The following PTPRD variants were observed in gnomAD, a reference collection of about 807,000 sequenced individuals.
The protein encoded by PTPRD is protein tyrosine phosphatase receptor type D.
PTPRD carries 34 observed loss-of-function variants against 214.5 expected under a neutral mutation model. The observed-to-expected ratio is 0.16, with a 90% confidence interval of 0.12 to 0.21. PTPRD has a LOEUF of 0.21. Among genes scored for constraint, PTPRD ranks in the 10% least tolerant of loss-of-function variants. The pLI is 1.00. For synonymous variants in PTPRD, 1,128 were observed against 845.7 expected (o/e 1.33, Z -5.79); for missense variants, 2,545 against 2,398.7 (o/e 1.06, Z -1.27).
At chr9:10,358,747 T>G (rs1158353917) in intron 2 of PTPRD, among the ~76,000 whole-genome samples, 1 of 152,010 alleles carries the variant, frequency 6.6e-6, no homozygotes, top group Non-Finnish European at 1.5e-5. Flanking sequence ...TTGCATTTTG[T>G]GCCCAACAGA....
intron 2 of PTPRD, among the ~76,000 whole-genome samples, chr9:10,422,099 G>C (rs1235302969): frequency 1.3e-5 from 2 of 152,010 alleles, no homozygotes; most frequent in South Asian, 2.1e-4. Context: ...CGTGGTACTG[G>C]TACCAAAACA....
chr9:8,452,768 T>A (rs1039012948), intron 33 of PTPRD, among the ~76,000 whole-genome samples: 1 of 152,110 alleles, frequency 6.6e-6, no homozygotes, highest in African/African-American at 2.4e-5. Flanking sequence ...GGGATGTGGG[T>A]AATACACAAT....
At chr9:8,863,424 A>G (rs964820010) in intron 11 of PTPRD, among the ~76,000 whole-genome samples, 14 of 152,214 alleles carry the variant, frequency 9.2e-5, no homozygotes, top group African/African-American at 3.4e-4. Context: ...AACAAAGGAT[A>G]TACTCTAATT....
At chr9:9,002,870 G>T (rs1374606334) in intron 11 of PTPRD, among the ~76,000 whole-genome samples, 2 of 152,052 alleles carry the variant, frequency 1.3e-5, no homozygotes, top group Non-Finnish European at 2.9e-5. Context: ...GCTTCCTTGT[G>T]CTATCTCCCT....
intron 4 of PTPRD, among the ~76,000 whole-genome samples, chr9:10,005,087 T>C (rs1412672759): frequency 3.9e-5 from 6 of 152,152 alleles, no homozygotes; most frequent in Non-Finnish European, 8.8e-5. Context: ...ACGTGGACAC[T>C]ATTTCCTATA....
intron 5 of PTPRD, among the ~76,000 whole-genome samples, chr9:9,815,879 A>C (rs898984262): frequency 6.6e-6 from 1 of 152,138 alleles, no homozygotes; most frequent in Non-Finnish European, 1.5e-5. Context: ...AGATTTTCTA[A>C]GAAAGATGCT....
At chr9:8,762,885 G>T (rs980868197) in intron 11 of PTPRD, among the ~76,000 whole-genome samples, 1 of 152,180 alleles carries the variant, frequency 6.6e-6, no homozygotes, top group East Asian at 1.9e-4. Context: ...AATGCCTTGG[G>T]AAAGAGGGTA....
At chr9:10,141,710 C>A (rs1257333941) in intron 3 of PTPRD, among the ~76,000 whole-genome samples, 3 of 151,970 alleles carry the variant, frequency 2.0e-5, no homozygotes, top group East Asian at 1.9e-4. Context: ...CCATCCCCAT[C>A]AAGCTAACAA....
chr9:8,739,421 A>G (rs539129946), intron 11 of PTPRD, among the ~76,000 whole-genome samples: 7 of 152,322 alleles, frequency 4.6e-5, no homozygotes, highest in African/African-American at 1.7e-4. Flanking sequence ...CTAATAATTG[A>G]CCACTTTAAA....
chr9:10,416,074 A>G (rs559106404), intron 2 of PTPRD, among the ~76,000 whole-genome samples: 41 of 151,742 alleles, frequency 2.7e-4, no homozygotes, highest in Non-Finnish European at 5.5e-4. Context: ...CAAGCAGGAC[A>G]TGGTGGCTCA....
At chr9:8,958,633 T>C (rs1043919560) in intron 11 of PTPRD, 9 of 151,910 alleles carry the variant, frequency 5.9e-5, no homozygotes, top group Non-Finnish European at 1.2e-4. Flanking sequence ...AACGGACACA[T>C]AGTTGGATTT....
chr9:9,899,403 G>T (rs1036437079), intron 5 of PTPRD, among the ~76,000 whole-genome samples: 1 of 152,022 alleles, frequency 6.6e-6, no homozygotes, highest in African/African-American at 2.4e-5. Flanking sequence ...AATGTGAATC[G>T]ATATTTCTGT....
intron 13 of PTPRD, 73 bp downstream of exon 13, chr9:8,636,626 G>A (rs2096444006): frequency 2.6e-6 from 4 of 1,541,516 alleles, no homozygotes; most frequent in African/African-American, 1.4e-5. Flanking sequence ...AGTAAAGCAA[G>A]CAAGTAACGT....
intron 5 of PTPRD, among the ~76,000 whole-genome samples, chr9:9,907,235 A>G (rs2077837317): frequency 6.6e-6 from 1 of 151,998 alleles, no homozygotes; most frequent in African/African-American, 2.4e-5. Context: ...GATGATTATC[A>G]GGAGTTTTGG....
Position 8,405,916 on chromosome 9 carries a change from T to C in PTPRD, c.4087-1256A>G, listed in dbSNP as rs1457789535. Among the ~76,000 whole-genome samples, 3 of 152,228 alleles carry C rather than the reference T, an allele frequency of 2.0e-5. No individual in the cohort carries two copies. In the East Asian group the frequency reaches 5.8e-4, roughly 29 times the overall value. ...TTTCTGTCAAAAGGCACAGAATTTA[T>C]CACAACAGTAAAACTCACAAGTGTC... On this transcript the variant is annotated intron_variant, in intron 35 of 45. Transcript: ENST00000381196.
intron 3 of PTPRD, among the ~76,000 whole-genome samples, chr9:10,125,659 T>TGTGTGTGTGTGTGTGTGTG (rs1554687349): frequency 1.3e-5 from 2 of 150,608 alleles, no homozygotes; most frequent in Admixed American, 6.7e-5. Flanking sequence ...TGTGTGTGTA[T>TGTGTGTGTGTGTGTGTGTG]TTTTAGTAGA....
chr9:8,848,313 C>CTTTTTTTTTTTTTTTTTTTTTT (rs371491854), intron 11 of PTPRD, among the ~76,000 whole-genome samples: 1 of 132,680 alleles, frequency 7.5e-6, no homozygotes, highest in African/African-American at 2.8e-5. Context: ...AAGATTTTTC[C>CTTTTTTTTTTTTTTTTTTTTTT]TTTTTTTTTT....
intron 2 of PTPRD, among the ~76,000 whole-genome samples, chr9:10,550,352 G>T (rs539428939): frequency 6.6e-6 from 1 of 152,188 alleles, no homozygotes; most frequent in Non-Finnish European, 1.5e-5. Context: ...ATGCTGAGGT[G>T]TAATTTGGAT....
At chr9:10,016,408 G>C (rs2096717250) in intron 4 of PTPRD, among the ~76,000 whole-genome samples, 1 of 150,020 alleles carries the variant, frequency 6.7e-6, no homozygotes, top group Non-Finnish European at 1.5e-5. Context: ...CAGATAGATA[G>C]GGAAATTCTT....
Sources: allele counts gnomAD v4.1 joint callset (sites outside exome capture counted in the v4.1 genomes callset), GRCh38; gene constraint gnomAD v4.1.1; transcripts MANE v1.5; gene names NCBI Gene and HGNC (gene_info 2026-07-23, HGNC 2026-07-21).